Variants in IPP observed in about 807,000 individuals in gnomAD.
The protein encoded by IPP is actin-binding protein IPP.
IPP carries 41 observed loss-of-function variants against 64.1 expected under a neutral mutation model. The observed-to-expected ratio is 0.64, with a 90% CI of 0.50 to 0.83. The LOEUF (loss-of-function observed/expected upper bound fraction) is 0.83. Ranked by LOEUF, IPP falls within the 40% of genes least tolerant of loss-of-function variation. IPP has a pLI of 0.00. For missense variants in IPP, 649 were observed against 703.0 expected, an observed-to-expected ratio of 0.92 and a Z score of 0.87; for synonymous variants, 214 against 235.2, an observed-to-expected ratio of 0.91 and a Z score of 0.83.
intron 5 of IPP, among the ~76,000 whole-genome samples, chr1:45,721,765 T>C (rs1645734265): frequency 6.6e-6 from 1 of 152,202 alleles, no homozygotes; most frequent in Non-Finnish European, 1.5e-5. Context: ...AGTTACTTCT[T>C]GAAAGAAGAA....
rs1645697303 is a variant in IPP at position 45,719,051 on chromosome 1, G to A, written c.1186+152C>T. 1.1e-5 allele frequency: 7 copies of A among 660,780 alleles called. No homozygotes were observed. The Admixed American group carries it at 1.7e-4, about 16-fold the overall frequency. The allele number at this position is 660,780 out of a possible 1,614,324, so 40.9% of individuals were successfully genotyped here. A position where few individuals can be genotyped will look rare whatever the true frequency, so the allele number is the denominator to read the frequency against. On this transcript the variant is annotated intron_variant, in intron 6 of 8. Coordinates refer to ENST00000396478, the MANE Select transcript of IPP (RefSeq NM_005897.3). Reference sequence around the variant, plus strand: ...TAAAGGATAAATACTTGAGGAGATGGATATCCCATTTTACAAGATGTGATT... The same window carrying A: ...TAAAGGATAAATACTTGAGGAGATGAATATCCCATTTTACAAGATGTGATT...
intron 5 of IPP, among the ~76,000 whole-genome samples, chr1:45,723,217 T>C (rs1645756877): frequency 6.6e-6 from 1 of 152,252 alleles, no homozygotes. Flanking sequence ...GCGATTATTC[T>C]GGGTGGTATG....
chr1:45,733,813 C>T (rs1054182135), intron 3 of IPP, among the ~76,000 whole-genome samples: 3 of 149,486 alleles, frequency 2.0e-5, no homozygotes, highest in Non-Finnish European at 3.0e-5. Context: ...GCCTGGGAGA[C>T]AGAGTAAGAC....
chr1:45,704,332 G>T (rs1645490592), intron 8 of IPP, among the ~76,000 whole-genome samples: 1 of 151,898 alleles, frequency 6.6e-6, no homozygotes, highest in Non-Finnish European at 1.5e-5. Context: ...CGGCTTCCTG[G>T]GTTCAAGCGA....
At chr1:45,726,754 G>A (rs1300344379) in intron 5 of IPP, among the ~76,000 whole-genome samples, 4 of 138,244 alleles carry the variant, frequency 2.9e-5, no homozygotes, top group Non-Finnish European at 3.1e-5. Flanking sequence ...ATGGAGTTTC[G>A]CTCTTGTTGC....
chr1:45,742,799 A>G (rs1434064238), intron 2 of IPP, among the ~76,000 whole-genome samples: 1 of 152,102 alleles, frequency 6.6e-6, no homozygotes, highest in African/African-American at 2.4e-5. Context: ...CAGCCTCCCA[A>G]AGTGCAGGGA....
chr1:45,730,071 G>A (rs755397665), intron 3 of IPP, among the ~76,000 whole-genome samples: 11 of 152,224 alleles, frequency 7.2e-5, no homozygotes, highest in Admixed American at 3.3e-4. Context: ...TTCCAGGCCA[G>A]ACGTGGTAGC....
At chr1:45,713,588 A>G (rs1484226894) in intron 8 of IPP, among the ~76,000 whole-genome samples, 1 of 151,664 alleles carries the variant, frequency 6.6e-6, no homozygotes, top group Admixed American at 6.6e-5. Context: ...CTTTTGAGAG[A>G]GGGTCTCTTG....
chr1:45,695,657 T>A (rs1309584292), downstream of IPP, among the ~76,000 whole-genome samples: 1 of 151,800 alleles, frequency 6.6e-6, no homozygotes, highest in Admixed American at 6.6e-5. Flanking sequence ...TAGATCAGGA[T>A]ATAGTATAAC....
In IPP at chr1:45,732,723, G is replaced by C. The variant is rs186624112; in HGVS notation, c.725-2954C>G. On this transcript the variant is annotated intron_variant, in intron 3 of 8. Transcript: ENST00000396478. ...GCTCTGTCGCCCAGGCTGGAGTGCAGTGGTGCGATCTCAGCTCCCTGAAAG... is the reference window on the plus strand; with the variant it reads ...GCTCTGTCGCCCAGGCTGGAGTGCACTGGTGCGATCTCAGCTCCCTGAAAG... Among the ~76,000 whole-genome samples the C allele has an allele frequency of 5.7e-3, 862 of 152,194 alleles. 4 individuals are homozygous for C. The highest frequency in any genetic ancestry group is 8.4e-3 in the Non-Finnish European group (572 of 68,014).
downstream of IPP, chr1:45,696,758 C>G (rs1394153960): frequency 6.6e-6 from 1 of 152,354 alleles, no homozygotes; most frequent in Non-Finnish European, 1.5e-5. Context: ...CCAGTCTGGG[C>G]AACAAGAGCG....
At chr1:45,702,087 G>A (rs1645462564) in intron 8 of IPP, among the ~76,000 whole-genome samples, 4 of 152,024 alleles carry the variant, frequency 2.6e-5, no homozygotes, top group Admixed American at 2.6e-4. Context: ...GATAAATTAG[G>A]ATAATTTAGG....
At chr1:45,745,432 A>T (rs953538173) in intron 2 of IPP, among the ~76,000 whole-genome samples, 1 of 152,096 alleles carries the variant, frequency 6.6e-6, no homozygotes, top group African/African-American at 2.4e-5. Context: ...TATATTGTAA[A>T]CATTCTTCCA....
chr1:45,707,775 G>A (rs1414695409), intron 8 of IPP, among the ~76,000 whole-genome samples: 1 of 152,044 alleles, frequency 6.6e-6, no homozygotes, highest in Non-Finnish European at 1.5e-5. Flanking sequence ...ATCCCAGAAA[G>A]ACAAGAGAAT....
chr1:45,727,103 A>C lies in IPP; in HGVS notation c.1048+528T>G, dbSNP rs764055862. ...CTTGCTCTGTCACCCAGGCTGGAGT[A>C]CAGTGGCACGATCATGGCTCACTGC... On this transcript the variant is annotated intron_variant, in intron 5 of 8. Transcript: ENST00000396478. 2.8e-4 allele frequency among the ~76,000 whole-genome samples: 43 copies of C among 152,066 alleles called. 1 individual carries two copies. The Middle Eastern group carries it at 0.034, about 120-fold the overall frequency.
rs773586026 is a variant in IPP at position 45,719,273 on chromosome 1, A to C, written c.1116T>G (p.Thr372=). 3 of 1,613,428 alleles carry C rather than the reference A, an allele frequency of 1.9e-6. No individual in the cohort carries two copies. The part of the protein sequence containing the change: ...CYDPVTKQWT[T]VASMNHPRCG... Reference sequence around the variant, plus strand: ...AGCGGGGATGATTCATCGAAGCTACAGTTGTCCACTGTTTAGTAACTGGAT... The same window carrying C: ...AGCGGGGATGATTCATCGAAGCTACCGTTGTCCACTGTTTAGTAACTGGAT... The change falls in exon 6 of 9, where the codon ACT becomes ACG. Residue 372 remains threonine, a synonymous_variant. Transcript: ENST00000396478.
intron 3 of IPP, among the ~76,000 whole-genome samples, chr1:45,737,787 A>G (rs576795829): frequency 1.3e-5 from 2 of 152,180 alleles, no homozygotes; most frequent in Non-Finnish European, 2.9e-5. Flanking sequence ...TAAGTTTTAC[A>G]TTAGTTTTGA....
intron 8 of IPP, among the ~76,000 whole-genome samples, chr1:45,703,461 T>C (rs1486428994): frequency 4.0e-5 from 6 of 150,554 alleles, no homozygotes; most frequent in African/African-American, 1.5e-4. Context: ...TAAACCTTAT[T>C]TCTCAAAATT....
At chr1:45,709,033 CAAAAAAAAAAA>C (rs71058700) in intron 8 of IPP, among the ~76,000 whole-genome samples, 2 of 58,168 alleles carry the variant, frequency 3.4e-5, no homozygotes, top group African/African-American at 7.8e-5. Context: ...GACTCCATCT[CAAAAAAAAAAA>C]AAAAAAAAAG....
Sources: allele counts gnomAD v4.1 joint callset (sites outside exome capture counted in the v4.1 genomes callset), GRCh38; gene constraint gnomAD v4.1.1; transcripts MANE v1.5; gene names NCBI Gene and HGNC (gene_info 2026-07-23, HGNC 2026-07-21).